PC: variants seen among roughly 807,000 people sequenced by gnomAD.
PC encodes pyruvate carboxylase, also known as pyruvate carboxylase, mitochondrial.
A neutral mutation model predicts 107.8 loss-of-function variants in PC; 46 were observed. The ratio of observed to expected loss-of-function variants is 0.43; its 90% CI spans 0.34 to 0.55. PC has a LOEUF of 0.55. Ranked by LOEUF, PC falls within the 20% of genes least tolerant of loss-of-function variation. The probability of loss-of-function intolerance (pLI) is 0.04; values close to 1 mark genes in which losing one functional copy is unlikely to be tolerated. For synonymous variants in PC, 662 were observed against 684.7 expected, an observed-to-expected ratio of 0.97 and a Z score of 0.52; for missense variants, 1,241 against 1,643.1, an observed-to-expected ratio of 0.76 and a Z score of 4.23.
At chr11:66,876,047 C>T (rs1292328271) in intron 3 of PC, among the ~76,000 whole-genome samples, 1 of 152,158 alleles carries the variant, frequency 6.6e-6, no homozygotes, top group Non-Finnish European at 1.5e-5. Flanking sequence ...GACAAAGACG[C>T]AAGAACGGTT....
At chr11:66,869,115 C>T in intron 9 of PC, 151 bp from the exon 10 acceptor site, 1 of 643,788 alleles carries the variant, frequency 1.6e-6, no homozygotes, top group South Asian at 1.8e-5. Flanking sequence ...GGCAGACAGA[C>T]CCCAGGGCCC....
intron 3 of PC, among the ~76,000 whole-genome samples, chr11:66,943,848 G>A (rs1245802129): frequency 3.3e-5 from 5 of 149,592 alleles, no homozygotes; most frequent in African/African-American, 4.9e-5. Flanking sequence ...GCCGGGCGTC[G>A]TGGCAGGCGC....
intron 2 of PC, among the ~76,000 whole-genome samples, chr11:66,953,760 A>C (rs866865612): frequency 7.9e-5 from 12 of 152,298 alleles, no homozygotes; most frequent in Middle Eastern, 3.4e-3. Flanking sequence ...GGGGCTGGTT[A>C]AAAGAAGCAA....
chr11:66,859,796 G>A (rs374784126), intron 12 of PC: 69 of 1,594,564 alleles, frequency 4.3e-5, no homozygotes, highest in Middle Eastern at 1.7e-4. Context: ...TGCCGGCCTC[G>A]CCCCTGTGCC....
At chr11:66,941,648 T>C (rs1327581357) in intron 3 of PC, among the ~76,000 whole-genome samples, 1 of 152,092 alleles carries the variant, frequency 6.6e-6, no homozygotes, top group Non-Finnish European at 1.5e-5. Flanking sequence ...CCCGCCACCA[T>C]GCCCAGCTAA....
intron 3 of PC, among the ~76,000 whole-genome samples, chr11:66,941,874 G>A (rs576243706): frequency 2.0e-5 from 3 of 151,976 alleles, no homozygotes; most frequent in African/African-American, 7.2e-5. Flanking sequence ...AGGCTGAGGC[G>A]GGCAGATCAC....
At chr11:66,861,930 G>A (rs138976201) in intron 12 of PC, among the ~76,000 whole-genome samples, 72 of 152,236 alleles carry the variant, frequency 4.7e-4, no homozygotes, top group African/African-American at 1.5e-3. Context: ...CCCCTAGCAG[G>A]CGCAAGGTTC....
Position 66,849,042 on chromosome 11 carries a change from C to G in PC, c.3394G>C (p.Ala1132Pro), listed in dbSNP as rs988531701. 1 of 1,614,076 alleles carries G rather than the reference C, an allele frequency of 6.2e-7. No homozygotes were observed. Among genetic ancestry groups the G allele is most frequent in the Middle Eastern group, 1.6e-4 (1 of 6,062 alleles). Residue 1132 changes from alanine to proline, a missense_variant, in exon 23 of 23, where the codon GCC becomes CCC. By Grantham distance (27) the Ala-to-Pro change is conservative. Transcript: ENST00000393960. Reference sequence around the variant, plus strand: ...AGCACACACAGGGGCTGGCCCTTGGCCACCTTGGCCCCTGCCACCACTTTG... The same window carrying G: ...AGCACACACAGGGGCTGGCCCTTGGGCACCTTGGCCCCTGCCACCACTTTG... The part of the protein sequence containing the change: ...DIKVVAGAKV[A>P]KGQPLCVLSA...
Position 66,872,082 on chromosome 11 carries a change from G to A in PC, c.78C>T (p.Ser26=), listed in dbSNP as rs1161512784. ...TATACTCCAGGCGCCGGACATTTGG[G>A]GAGGCAGCGGGGGCGGTGGAGGTTC... ...IRRTSTAPAA[S]PNVRRLEYKP... is the part of the protein sequence containing the mutation. The change falls in exon 4 of 23, where the codon TCC becomes TCT. Residue 26 remains serine, a synonymous_variant. Coordinates refer to ENST00000393960, the MANE Select transcript of PC (RefSeq NM_001040716.2). 1 of 1,567,964 alleles carries A rather than the reference G, an allele frequency of 6.4e-7. No homozygotes were observed. The highest frequency in any genetic ancestry group is 8.6e-7 in the Non-Finnish European group (1 of 1,156,664).
intron 21 of PC, 41 bp from the exon 22 acceptor site, chr11:66,849,411 TG>T: frequency 6.2e-7 from 1 of 1,610,508 alleles, no homozygotes; most frequent in Non-Finnish European, 8.5e-7. Context: ...GACGCCAAGG[TG>T]GGAGAGCAGT....
intron 3 of PC, among the ~76,000 whole-genome samples, chr11:66,930,741 TAAAAA>T (rs34424812): frequency 1.0e-5 from 1 of 99,284 alleles, no homozygotes; most frequent in Non-Finnish European, 2.0e-5. Flanking sequence ...GACTCTGTCT[TAAAAA>T]AAAAAAAAAA....
chr11:66,927,200 C>T (rs1289196330), intron 3 of PC, among the ~76,000 whole-genome samples: 2 of 130,812 alleles, frequency 1.5e-5, no homozygotes, highest in Non-Finnish European at 3.2e-5. Context: ...AACGCTCACA[C>T]ATATATTACA....
In PC at chr11:66,850,130, C is replaced by A. The variant is rs1362650019; in HGVS notation, c.2719-14G>T. ...GGAGGGCGTCACCTGAGGAGAAGGC[C>A]CTGGAGGTTAGGGTGCCAGGCACCT... On this transcript the variant is annotated splice_polypyrimidine_tract_variant and intron_variant, in intron 19 of 22. Coordinates refer to ENST00000393960, the MANE Select transcript of PC (RefSeq NM_001040716.2). 2 of 1,613,686 alleles carry A rather than the reference C, an allele frequency of 1.2e-6. No homozygotes were observed. Among genetic ancestry groups the A allele is most frequent in the African/African-American group, 1.3e-5 (1 of 74,934 alleles).
chr11:66,920,049 G>C (rs966070575), intron 3 of PC, among the ~76,000 whole-genome samples: 1 of 152,194 alleles, frequency 6.6e-6, no homozygotes, highest in Non-Finnish European at 1.5e-5. Flanking sequence ...ATGAATGAAC[G>C]GACTCAGAAC....
At chr11:66,895,947 G>A (rs1405518309) in intron 3 of PC, among the ~76,000 whole-genome samples, 1 of 152,168 alleles carries the variant, frequency 6.6e-6, no homozygotes, top group Non-Finnish European at 1.5e-5. Flanking sequence ...TCCCAAAGGA[G>A]GGTAAAAAGA....
chr11:66,921,497 G>T (rs193063834), intron 3 of PC, among the ~76,000 whole-genome samples: 1 of 152,260 alleles, frequency 6.6e-6, no homozygotes, highest in African/African-American at 2.4e-5. Flanking sequence ...CACAAGCACA[G>T]AAATGACAAA....
At chr11:66,875,354 T>A (rs1946934490) in intron 3 of PC, among the ~76,000 whole-genome samples, 2 of 151,976 alleles carry the variant, frequency 1.3e-5, no homozygotes, top group South Asian at 4.1e-4. Flanking sequence ...TGGGTGGAGA[T>A]GACTTTTCCT....
chr11:66,926,992 T>C (rs1455378108), intron 3 of PC, among the ~76,000 whole-genome samples: 5 of 150,888 alleles, frequency 3.3e-5, no homozygotes, highest in Non-Finnish European at 2.9e-5. Flanking sequence ...ACCTTTTGGC[T>C]CTTTTTTTGT....
rs369657359 is a variant in PC, at chr11:66,866,232, G to A, written c.1140C>T (p.Thr380=). 8.7e-6 allele frequency: 14 copies of A among 1,612,334 alleles called. No homozygotes were observed. In the African/African-American group the frequency reaches 9.3e-5, roughly 11 times the overall value. The change falls in exon 11 of 23, where the codon ACC becomes ACT. Residue 380 remains threonine (T), a synonymous_variant. Coordinates refer to ENST00000393960, the MANE Select transcript of PC (RefSeq NM_001040716.2). This position sits in a 1 kb window ranked among gnomAD's most constrained non-coding sequence, Gnocchi z 5.4. ...NGCAIQCRVT[T]EDPARSFQPD... is the part of the protein sequence containing the mutation. The stretch of plus-strand genomic sequence containing the variant: ...GCTGGAAGCTGCGCGCGGGGTCCTC[G>A]GTGGTGACCCGGCACTGGATGGCAC...
Sources: gnomAD v4.1 joint callset for allele counts (sites outside exome capture counted in the v4.1 genomes callset) on GRCh38, gnomAD v4.1.1 for gene constraint, Gnocchi (gnomAD v3.1) non-coding constraint, MANE v1.5 for transcripts, NCBI Gene and HGNC (gene_info 2026-07-23, HGNC 2026-07-21) for gene names.